The following DOCK1 variants were observed in gnomAD, a reference collection of about 807,000 sequenced individuals.
DOCK1 encodes the protein dedicator of cytokinesis 1, also known as dedicator of cytokinesis protein 1.
Under a neutral mutation model 262.7 loss-of-function variants are expected in DOCK1, and 138 were observed. The observed-to-expected ratio is 0.53, with a 90% CI of 0.46 to 0.61. The LOEUF (loss-of-function observed/expected upper bound fraction) is 0.61, where lower values mean the gene tolerates loss of function less well. Ranked by LOEUF, DOCK1 falls within the 20% of genes least tolerant of loss-of-function variation. The probability of loss-of-function intolerance (pLI) is 0.00; values close to 1 mark genes in which losing one functional copy is unlikely to be tolerated. For missense variants in DOCK1, 1,908 were observed against 2,370.7 expected, an observed-to-expected ratio of 0.80 and a Z score of 4.05; for synonymous variants, 866 against 867.4, an observed-to-expected ratio of 1.00 and a Z score of 0.03.
intron 15 of DOCK1, chr10:127,026,059 C>CAAAAAAAAAAAAAAAAAAAA (rs71490104): frequency 2.6e-5 from 6 of 231,310 alleles, no homozygotes; most frequent in Admixed American, 7.1e-5. Flanking sequence ...AACTCTGTAT[C>CAAAAAAAAAAAAAAAAAAAA]AAAAAAAAAA....
intron 29 of DOCK1, among the ~76,000 whole-genome samples, chr10:127,279,371 G>A (rs957573043): frequency 6.6e-6 from 1 of 152,176 alleles, no homozygotes; most frequent in Non-Finnish European, 1.5e-5. Context: ...GGAAGCTGAA[G>A]GCAATACTGA....
At chr10:126,970,161 T>C (rs971828177) in intron 1 of DOCK1, among the ~76,000 whole-genome samples, 33 of 152,146 alleles carry the variant, frequency 2.2e-4, no homozygotes, top group African/African-American at 7.7e-4. Context: ...AGGAGCACTA[T>C]GATCCTTTTG....
intron 1 of DOCK1, among the ~76,000 whole-genome samples, chr10:126,939,018 G>T (rs1177760378): frequency 6.4e-5 from 8 of 124,212 alleles, no homozygotes; most frequent in African/African-American, 2.1e-4. Context: ...CGGAGGGGAT[G>T]AACACCTGAA....
At chr10:127,298,779 A>T (rs1014620273) in intron 29 of DOCK1, among the ~76,000 whole-genome samples, 2 of 152,172 alleles carry the variant, frequency 1.3e-5, no homozygotes, top group Non-Finnish European at 2.9e-5. Context: ...ATCTTTTTTG[A>T]AAAGCATTTG....
chr10:127,279,571 G>C (rs2060868776), intron 29 of DOCK1, among the ~76,000 whole-genome samples: 1 of 152,206 alleles, frequency 6.6e-6, no homozygotes, highest in Admixed American at 6.5e-5. Flanking sequence ...TGCCGGTTGA[G>C]TAAATATTTG....
intron 27 of DOCK1, among the ~76,000 whole-genome samples, chr10:127,134,865 C>T (rs1396918898): frequency 6.6e-6 from 1 of 152,112 alleles, no homozygotes; most frequent in Admixed American, 6.6e-5. Context: ...TCTCCTAGGC[C>T]GTCCAGGTGA....
intron 27 of DOCK1, among the ~76,000 whole-genome samples, chr10:127,189,044 C>T (rs922376259): frequency 1.3e-5 from 2 of 152,096 alleles, no homozygotes; most frequent in African/African-American, 2.4e-5. Flanking sequence ...AGTACACAGC[C>T]CTGGTGATGA....
intron 40 of DOCK1, among the ~76,000 whole-genome samples, chr10:127,404,658 A>G (rs952602225): frequency 6.6e-6 from 1 of 152,172 alleles, no homozygotes; most frequent in Non-Finnish European, 1.5e-5. Flanking sequence ...TCCTTCAGAG[A>G]TTTACACGTA....
intron 30 of DOCK1, among the ~76,000 whole-genome samples, chr10:127,341,697 C>T (rs1482114487): frequency 2.6e-5 from 4 of 152,128 alleles, no homozygotes; most frequent in Non-Finnish European, 4.4e-5. Flanking sequence ...CCCTGGCTTT[C>T]GTCCTGTTTC....
At chr10:127,283,568 C>T (rs536213808) in intron 29 of DOCK1, among the ~76,000 whole-genome samples, 1 of 152,238 alleles carries the variant, frequency 6.6e-6, no homozygotes, top group Admixed American at 6.5e-5. Flanking sequence ...ATGGTTGCAA[C>T]TCTTCCCAGT....
At chr10:127,129,136 C>G (rs1592135732) in intron 27 of DOCK1, among the ~76,000 whole-genome samples, 1 of 152,132 alleles carries the variant, frequency 6.6e-6, no homozygotes, top group Admixed American at 6.5e-5. Flanking sequence ...CCACAGAGGA[C>G]TCCGTGTCGT....
intron 27 of DOCK1, among the ~76,000 whole-genome samples, chr10:127,191,238 T>C (rs1299983245): frequency 6.6e-6 from 1 of 152,136 alleles, no homozygotes; most frequent in East Asian, 1.9e-4. Flanking sequence ...CCTGGGAGTC[T>C]TTAGGCTCCT....
intron 29 of DOCK1, among the ~76,000 whole-genome samples, chr10:127,321,701 CTT>C (rs1564990705): frequency 6.7e-6 from 1 of 150,152 alleles, no homozygotes; most frequent in East Asian, 2.0e-4. Flanking sequence ...GCGTCCTTCC[CTT>C]CAGCCAAACC....
intron 27 of DOCK1, among the ~76,000 whole-genome samples, chr10:127,189,313 T>A (rs2056549941): frequency 6.6e-6 from 1 of 152,156 alleles, no homozygotes; most frequent in Admixed American, 6.5e-5. Context: ...TAGGAGTGAG[T>A]TGGGGTCCAG....
intron 17 of DOCK1, 124 bp from the exon 18 acceptor site, chr10:127,032,013 G>C: frequency 8.2e-7 from 1 of 1,212,570 alleles, no homozygotes; most frequent in Non-Finnish European, 1.2e-6. Context: ...TTATTAAAAT[G>C]TGTATTTAAT....
At chr10:127,079,823 C>T (rs183654515) in intron 23 of DOCK1, among the ~76,000 whole-genome samples, 1 of 152,056 alleles carries the variant, frequency 6.6e-6, no homozygotes, top group Non-Finnish European at 1.5e-5. Context: ...CCCAGCTACT[C>T]GGGAGGCTGA....
chr10:126,929,829 C>A (rs1193244808), intron 1 of DOCK1, among the ~76,000 whole-genome samples: 2 of 152,296 alleles, frequency 1.3e-5, no homozygotes, highest in Admixed American at 1.3e-4. Flanking sequence ...AGTCACATAA[C>A]ATGTAGCTAA....
At chr10:126,940,907 A>G (rs2034930888) in intron 1 of DOCK1, among the ~76,000 whole-genome samples, 2 of 152,230 alleles carry the variant, frequency 1.3e-5, no homozygotes. Flanking sequence ...CAGTGACTCT[A>G]TTATATTGCC....
chr10:127,219,871 C>G (rs1420602300), intron 27 of DOCK1, among the ~76,000 whole-genome samples: 1 of 152,178 alleles, frequency 6.6e-6, no homozygotes, highest in African/African-American at 2.4e-5. Flanking sequence ...GGCCCCAGCC[C>G]ACATCTTCAG....
Sources: allele counts gnomAD v4.1 joint callset (sites outside exome capture counted in the v4.1 genomes callset), GRCh38; gene constraint gnomAD v4.1.1; transcripts MANE v1.5; gene names NCBI Gene and HGNC (gene_info 2026-07-23, HGNC 2026-07-21).